Variants in MCM5 observed in about 807,000 individuals in gnomAD.
The protein encoded by MCM5 is DNA replication licensing factor MCM5.
Under a neutral mutation model 79.9 loss-of-function variants are expected in MCM5, and 46 were observed. That is an observed-to-expected ratio of 0.58 (90% CI 0.45 to 0.74). The LOEUF is 0.74. Among genes scored for constraint, MCM5 ranks in the 30% least tolerant of loss-of-function variants. The pLI, the probability that MCM5 is intolerant of heterozygous loss-of-function variation, is 0.00. For synonymous variants in MCM5, 404 were observed against 390.5 expected (o/e 1.03, Z -0.41); for missense variants, 883 against 1,017.0 (o/e 0.87, Z 1.79).
intron 6 of MCM5, chr22:35,409,812 T>C (rs1932324006): frequency 6.6e-6 from 1 of 152,294 alleles, no homozygotes; most frequent in African/African-American, 2.4e-5. Context: ...TTATGTGACT[T>C]TGTCAAGCTT....
chr22:35,451,375 G>A, the MCM5 span, among the ~76,000 whole-genome samples: 3 of 152,258 alleles, frequency 2.0e-5, no homozygotes, highest in Non-Finnish European at 2.9e-5. Flanking sequence ...TCAGCAAGGC[G>A]AAGAGATCGG....
chr22:35,419,326 A>C (rs1001962789), intron 13 of MCM5, among the ~76,000 whole-genome samples: 1 of 152,090 alleles, frequency 6.6e-6, no homozygotes, highest in East Asian at 1.9e-4. Flanking sequence ...TGGGGGCTAG[A>C]GGGGAGGGGA....
At chr22:35,413,847 C>A in intron 8 of MCM5, 28 bp from the exon 9 acceptor site, 1 of 1,338,044 alleles carries the variant, frequency 7.5e-7, no homozygotes, top group Non-Finnish European at 1.1e-6. Flanking sequence ...TGGATTCTCA[C>A]CTTGTCCATC....
chr22:35,422,971 C>T (rs1932732641), intron 15 of MCM5: 1 of 352,920 alleles, frequency 2.8e-6, no homozygotes, highest in South Asian at 1.2e-4. Context: ...CCCCGGGCTG[C>T]TTTTTGAATG....
At chr22:35,402,704 C>T (rs551932151) in intron 2 of MCM5, among the ~76,000 whole-genome samples, 4 of 152,180 alleles carry the variant, frequency 2.6e-5, no homozygotes, top group East Asian at 3.9e-4. Context: ...CTACCATGCC[C>T]GGCTAATCTT....
the MCM5 span, among the ~76,000 whole-genome samples, chr22:35,432,172 G>A: frequency 1.3e-5 from 2 of 152,252 alleles, no homozygotes; most frequent in Admixed American, 6.5e-5. Context: ...ACAGGTTTCC[G>A]GGACACTGGG....
chr22:35,415,286 G>T (rs1052671506), intron 9 of MCM5, among the ~76,000 whole-genome samples: 2 of 152,210 alleles, frequency 1.3e-5, no homozygotes, highest in African/African-American at 4.8e-5. Flanking sequence ...TCAACATGTT[G>T]TTTGATATGT....
Position 35,421,318 on chromosome 22 carries a change from G to A in MCM5, c.1833G>A (p.Arg611=). 6 of 1,611,850 alleles carry A rather than the reference G, an allele frequency of 3.7e-6. No individual in the cohort carries two copies. The highest frequency in any genetic ancestry group is 1.3e-5 in the African/African-American group (1 of 75,034). Residue 611 remains arginine, a splice_region_variant and synonymous_variant, in exon 15 of 17, where the codon CGG becomes CGA. Transcript: ENST00000216122. ...DRRSSIPITV[R]QLEAIVRIAE... is the part of the protein sequence containing the mutation. ...CCTGAGCACGCTGTTGCCCCCACAG[G>A]CAGCTGGAGGCCATTGTGCGCATCG...
chr22:35,409,204 C>T (rs1245229266), intron 6 of MCM5, among the ~76,000 whole-genome samples: 2 of 152,160 alleles, frequency 1.3e-5, no homozygotes, highest in African/African-American at 4.8e-5. Flanking sequence ...ACCTCATGAT[C>T]CGCCCGCCTT....
Position 35,410,769 on chromosome 22 carries a change from G to T in MCM5, c.778G>T (p.Gly260Trp). ...GTACCTGTGTGACAAGGTCGTCCCTGGGAACAGGGTTACCATCATGGGCAT... is the reference window on the plus strand; with the variant it reads ...GTACCTGTGTGACAAGGTCGTCCCTTGGAACAGGGTTACCATCATGGGCAT... ...DRYLCDKVVP[G>W]NRVTIMGIYS... The change falls in exon 7 of 17, where the codon GGG becomes TGG. Residue 260 changes from glycine (G) to tryptophan (W), a missense_variant. Physicochemically the swap from Gly to Trp is radical, Grantham distance 184. Transcript: ENST00000216122. The T allele has an allele frequency of 6.2e-7, 1 of 1,614,110 alleles. No homozygotes were observed.
chr22:35,439,719 A>G, the MCM5 span, among the ~76,000 whole-genome samples: 2 of 152,192 alleles, frequency 1.3e-5, no homozygotes, highest in African/African-American at 4.8e-5. Context: ...TTATGTTCTA[A>G]TGCTTCCTCT....
chr22:35,411,079 T>C (rs573956373), intron 7 of MCM5, among the ~76,000 whole-genome samples, 169 bp downstream of exon 7: 51 of 152,350 alleles, frequency 3.3e-4, no homozygotes, highest in South Asian at 8.3e-4. Context: ...TTCCACACAT[T>C]GGTCCTAGCT....
At chr22:35,433,133 G>T in the MCM5 span, among the ~76,000 whole-genome samples, 1 of 152,060 alleles carries the variant, frequency 6.6e-6, no homozygotes, top group Non-Finnish European at 1.5e-5. Context: ...ACAGGGTCTT[G>T]CTATATTGCC....
chr22:35,453,588 C>T, the MCM5 span, among the ~76,000 whole-genome samples: 3 of 147,980 alleles, frequency 2.0e-5, no homozygotes, highest in African/African-American at 7.4e-5. Flanking sequence ...GAGAGACAGA[C>T]AGAGATAGAG....
At chr22:35,427,456 A>G (rs1276990920), downstream of MCM5, among the ~76,000 whole-genome samples, 1 of 150,362 alleles carries the variant, frequency 6.7e-6, no homozygotes, top group East Asian at 1.9e-4. Flanking sequence ...TATTATCCAT[A>G]TGTATTTAAA....
At chr22:35,434,538 T>C in the MCM5 span, among the ~76,000 whole-genome samples, 4 of 152,306 alleles carry the variant, frequency 2.6e-5, no homozygotes, top group Non-Finnish European at 4.4e-5. Flanking sequence ...CCAAGATCAA[T>C]TGGTCAGGTC....
In MCM5 at chr22:35,412,674, C is replaced by T. The variant is rs947863108; in HGVS notation, c.1084C>T (p.Arg362Ter). 6.7e-6 allele frequency: 10 copies of T among 1,487,064 alleles called. No individual in the cohort carries two copies. Among genetic ancestry groups the T allele is most frequent in the African/African-American group, 5.7e-5 (4 of 70,230 alleles). The allele number at this position is 1,487,064 out of a possible 1,614,324, so 92.1% of individuals were successfully genotyped here. The change falls in exon 8 of 17, where the codon CGA (arginine) becomes TGA (stop). Residue 362 changes from arginine to a stop codon, truncating the protein, a stop_gained. Coordinates refer to ENST00000216122, the MANE Select transcript of MCM5 (RefSeq NM_006739.4). LOFTEE classifies it high-confidence loss of function. ...TGCCTGCCTGCTCTTTGGGGGCTCC[C>T]GAAAGAGGTAGGGGCTTGAGTTCCC... ...AIACLLFGGSRKRLPDGLTRR... is the reference protein window; with the variant it reads ...AIACLLFGGS
At chr22:35,412,805 G>T (rs1477599634) in intron 8 of MCM5, 124 bp downstream of exon 8, 1 of 873,882 alleles carries the variant, frequency 1.1e-6, no homozygotes, top group Admixed American at 4.2e-5. Context: ...CAGTCTGCCA[G>T]GCACCTTTGC....
At chr22:35,416,107 T>C in intron 10 of MCM5, 135 bp downstream of exon 10, 1 of 1,175,990 alleles carries the variant, frequency 8.5e-7, no homozygotes, top group South Asian at 1.4e-5. Flanking sequence ...CTCTAGTAAC[T>C]GTGGGAAGCT....
Sources: gnomAD v4.1 joint callset for allele counts (sites outside exome capture counted in the v4.1 genomes callset) on GRCh38, gnomAD v4.1.1 for gene constraint, MANE v1.5 for transcripts, NCBI Gene and HGNC (gene_info 2026-07-23, HGNC 2026-07-21) for gene names.